The following THSD7B variants were observed in gnomAD, a reference collection of about 807,000 sequenced individuals.
THSD7B encodes thrombospondin type-1 domain-containing protein 7B.
THSD7B carries 138 observed loss-of-function variants against 213.6 expected under a neutral mutation model. The ratio of observed to expected loss-of-function variants is 0.65; its 90% CI spans 0.56 to 0.74. The LOEUF is 0.74. Among genes scored for constraint, THSD7B ranks in the 30% least tolerant of loss-of-function variants. THSD7B has a pLI of 0.00. For synonymous variants in THSD7B, 742 were observed against 687.0 expected, an observed-to-expected ratio of 1.08 and a Z score of -1.25; for missense variants, 1,931 against 1,991.5, an observed-to-expected ratio of 0.97 and a Z score of 0.58.
intron 4 of THSD7B, among the ~76,000 whole-genome samples, chr2:137,104,752 A>G (rs7592424): frequency 0.33 from 49,606 of 152,076 alleles, 10,313 homozygotes; most frequent in African/African-American, 0.59. Context: ...TAGAAATACA[A>G]ACTACAACCA....
chr2:137,565,093 A>G (rs947567239), intron 16 of THSD7B, among the ~76,000 whole-genome samples: 1 of 152,138 alleles, frequency 6.6e-6, no homozygotes, highest in Admixed American at 6.6e-5. Context: ...ATGCCCATCT[A>G]TAAACCAAGG....
intron 7 of THSD7B, among the ~76,000 whole-genome samples, chr2:137,182,239 C>T (rs1459128885): frequency 6.6e-6 from 1 of 152,130 alleles, no homozygotes; most frequent in Non-Finnish European, 1.5e-5. Flanking sequence ...AGGAACTTGG[C>T]AGGGAGCACA....
chr2:137,060,727 T>C (rs1687254818), intron 3 of THSD7B, among the ~76,000 whole-genome samples: 1 of 152,036 alleles, frequency 6.6e-6, no homozygotes, highest in African/African-American at 2.4e-5. Context: ...CTATCTATTA[T>C]TTGTTAGTAA....
intron 13 of THSD7B, among the ~76,000 whole-genome samples, chr2:137,406,490 T>G (rs1686522275): frequency 6.6e-6 from 1 of 152,220 alleles, no homozygotes; most frequent in Non-Finnish European, 1.5e-5. Context: ...TGTGTTTGTA[T>G]AAGCAGAAAA....
intron 2 of THSD7B, among the ~76,000 whole-genome samples, chr2:136,919,248 T>C (rs1684396410): frequency 6.6e-6 from 1 of 152,210 alleles, no homozygotes; most frequent in Non-Finnish European, 1.5e-5. Flanking sequence ...AATAGTTGCC[T>C]AAAACAGTAA....
intron 1 of THSD7B, among the ~76,000 whole-genome samples, chr2:136,780,867 G>A (rs986167648): frequency 3.9e-5 from 6 of 152,142 alleles, no homozygotes; most frequent in African/African-American, 1.4e-4. Context: ...TTACAGAGAG[G>A]TGTAAAACAG....
intron 14 of THSD7B, among the ~76,000 whole-genome samples, chr2:137,446,137 A>T (rs1332852018): frequency 6.6e-6 from 1 of 152,018 alleles, no homozygotes; most frequent in South Asian, 2.1e-4. Flanking sequence ...ATATAGCAGG[A>T]AAATATAAGT....
At position 137,527,270 on chromosome 2, in the gene THSD7B, C is replaced by A. The variant is rs74986035; in HGVS notation, c.3139-35951C>A. The stretch of plus-strand genomic sequence containing the variant: ...ATTTAATCCATATCAAGAAAATTGC[C>A]TTGTAGAAATTGGGGTGCGTGTGTG... On this transcript the variant is annotated intron_variant, in intron 15 of 27. Coordinates refer to ENST00000409968, the MANE Select transcript of THSD7B (RefSeq NM_001316349.2). Among the ~76,000 whole-genome samples, 622 of 151,998 alleles carry A rather than the reference C, an allele frequency of 4.1e-3. 10 individuals are homozygous for A. Among genetic ancestry groups the A allele is most frequent in the Admixed American group, 0.026 (403 of 15,286 alleles).
At chr2:137,084,083 AT>A (rs1187839915) in intron 3 of THSD7B, among the ~76,000 whole-genome samples, 1 of 87,982 alleles carries the variant, frequency 1.1e-5, no homozygotes, top group African/African-American at 4.5e-5. Flanking sequence ...TCTAATCAGT[AT>A]TTTTTCCATA....
intron 14 of THSD7B, among the ~76,000 whole-genome samples, chr2:137,434,976 A>T (rs1687262490): frequency 6.6e-6 from 1 of 152,208 alleles, no homozygotes; most frequent in South Asian, 2.1e-4. Context: ...GGTAGTCTTC[A>T]GTACTATTAC....
At chr2:137,512,382 CTTTTTT>C (rs70978233) in intron 15 of THSD7B, among the ~76,000 whole-genome samples, 77 of 81,368 alleles carry the variant, frequency 9.5e-4, no homozygotes, top group African/African-American at 3.8e-3. Context: ...CATTTATTTC[CTTTTTT>C]TTTTTTTTTT....
intron 3 of THSD7B, among the ~76,000 whole-genome samples, chr2:137,083,119 G>A (rs920404400): frequency 1.3e-5 from 2 of 152,042 alleles, no homozygotes; most frequent in African/African-American, 4.8e-5. Context: ...AAGAAATTAA[G>A]AGGCATTTTA....
intron 12 of THSD7B, among the ~76,000 whole-genome samples, chr2:137,362,037 G>A (rs562910756): frequency 3.9e-5 from 6 of 152,056 alleles, no homozygotes; most frequent in South Asian, 2.1e-4. Flanking sequence ...GGGATCTCTC[G>A]GTAGAAACTC....
chr2:137,283,202 CTGTT>C (rs1426644568), intron 12 of THSD7B, among the ~76,000 whole-genome samples: 3 of 152,106 alleles, frequency 2.0e-5, no homozygotes, highest in Non-Finnish European at 2.9e-5. Flanking sequence ...ATTTGGCTCT[CTGTT>C]TGTCTATTAT....
At chr2:137,089,386 G>A (rs1403017955) in intron 3 of THSD7B, among the ~76,000 whole-genome samples, 1 of 147,556 alleles carries the variant, frequency 6.8e-6, no homozygotes, top group African/African-American at 2.5e-5. Context: ...ATATACTAGT[G>A]TGTATATGTA....
At chr2:137,424,782 A>T (rs1226194633) in intron 14 of THSD7B, among the ~76,000 whole-genome samples, 3 of 152,250 alleles carry the variant, frequency 2.0e-5, no homozygotes, top group South Asian at 2.1e-4. Flanking sequence ...AAAATATTTT[A>T]AAAAATAGGC....
At chr2:137,193,034 A>G (rs1680691599) in intron 7 of THSD7B, among the ~76,000 whole-genome samples, 1 of 152,068 alleles carries the variant, frequency 6.6e-6, no homozygotes, top group South Asian at 2.1e-4. Flanking sequence ...GAGGGTGTGC[A>G]CTAACTGTGG....
At chr2:137,111,273 C>T (rs1367146990) in intron 4 of THSD7B, among the ~76,000 whole-genome samples, 3 of 152,164 alleles carry the variant, frequency 2.0e-5, no homozygotes, top group East Asian at 1.9e-4. Flanking sequence ...CACACTTCCT[C>T]GGACCAAGAT....
chr2:136,986,930 G>A (rs1403744620), intron 2 of THSD7B, among the ~76,000 whole-genome samples: 1 of 152,180 alleles, frequency 6.6e-6, no homozygotes, highest in East Asian at 1.9e-4. Context: ...AGTGAGTTTC[G>A]GGAATAACTT....
Sources: gnomAD v4.1 joint callset for allele counts (sites outside exome capture counted in the v4.1 genomes callset) on GRCh38, gnomAD v4.1.1 for gene constraint, MANE v1.5 for transcripts, NCBI Gene and HGNC (gene_info 2026-07-23, HGNC 2026-07-21) for gene names.